RASA3: variants seen among roughly 807,000 people sequenced by gnomAD.
RASA3 encodes RAS p21 protein activator 3.
Under a neutral mutation model 110.0 loss-of-function variants are expected in RASA3, and 73 were observed. The ratio of observed to expected loss-of-function variants is 0.66; its 90% CI spans 0.55 to 0.81. The LOEUF (loss-of-function observed/expected upper bound fraction) is 0.81, where lower values mean the gene tolerates loss of function less well. Among genes scored for constraint, RASA3 ranks in the 30% least tolerant of loss-of-function variants. The pLI is 0.00. For missense variants in RASA3, 976 were observed against 1,113.2 expected, an observed-to-expected ratio of 0.88 and a Z score of 1.75; for synonymous variants, 500 against 451.4, an observed-to-expected ratio of 1.11 and a Z score of -1.37.
At chr13:114,098,618 C>T (rs2079978652) in intron 1 of RASA3, among the ~76,000 whole-genome samples, 1 of 151,912 alleles carries the variant, frequency 6.6e-6, no homozygotes, top group African/African-American at 2.4e-5. Flanking sequence ...TGTAGGAAAC[C>T]CCATGGCCGG....
At chr13:114,099,488 C>T (rs2079994470) in intron 1 of RASA3, among the ~76,000 whole-genome samples, 3 of 151,808 alleles carry the variant, frequency 2.0e-5, no homozygotes, top group Non-Finnish European at 4.4e-5. Flanking sequence ...ACTCAGGCCT[C>T]TGGTCAGCGC....
chr13:114,003,685 T>C (rs942059196), intron 18 of RASA3, among the ~76,000 whole-genome samples: 1 of 152,158 alleles, frequency 6.6e-6, no homozygotes, highest in East Asian at 1.9e-4. Context: ...ACCAAGGCAA[T>C]TGTGTTAGAC....
chr13:114,015,199 G>A lies in RASA3; in HGVS notation c.1405+10C>T. ...TTTCTCAGCAACATGAGGGTGTTCA[G>A]GGCACTCACCCTGGAAGCGCTTGGC... is the stretch of plus-strand genomic sequence containing the variant. On this transcript the variant is annotated intron_variant, in intron 14 of 23. Transcript: ENST00000334062. 6.2e-7 allele frequency: 1 copy of A among 1,612,710 alleles called. No individual in the cohort carries two copies. The highest frequency in any genetic ancestry group is 1.1e-5 in the South Asian group (1 of 91,072).
Position 114,021,475 on chromosome 13 carries a change from A to C in RASA3, c.714T>G (p.Phe238Leu). The C allele has an allele frequency of 6.2e-7, 1 of 1,614,004 alleles. No individual in the cohort carries two copies. The highest frequency in any genetic ancestry group is 1.1e-5 in the South Asian group (1 of 91,092). The stretch of plus-strand genomic sequence containing the variant: ...TTAGTTCTCCCAGGAATTCATCTCC[A>C]AACTTCAGGTTACTGGCATTCCAGA... ...VDLWNASNLK[F>L]GDEFLGELRI... The change falls in exon 9 of 24, where the codon TTT becomes TTG. Residue 238 changes from phenylalanine to leucine, a missense_variant. Phe to Leu is a conservative substitution (Grantham distance 22). Transcript: ENST00000334062.
chr13:114,098,935 G>C (rs541462025), intron 1 of RASA3, among the ~76,000 whole-genome samples: 1 of 152,080 alleles, frequency 6.6e-6, no homozygotes, highest in East Asian at 1.9e-4. Flanking sequence ...ACTGATGCCG[G>C]ACCACAGCAG....
At chr13:114,015,382 G>A (rs745581066) in intron 13 of RASA3, 50 bp from the exon 14 acceptor site, 1 of 1,606,706 alleles carries the variant, frequency 6.2e-7, no homozygotes, top group Non-Finnish European at 8.5e-7. Context: ...GCCCACAGGT[G>A]CGTGTAGCAC....
intron 15 of RASA3, among the ~76,000 whole-genome samples, 160 bp downstream of exon 15, chr13:114,012,982 T>A (rs1309104735): frequency 7.0e-6 from 1 of 143,182 alleles, no homozygotes; most frequent in Non-Finnish European, 1.5e-5. Flanking sequence ...CACTCACTCC[T>A]CATTCCACAC....
intron 1 of RASA3, among the ~76,000 whole-genome samples, chr13:114,125,431 G>A (rs775436339): frequency 1.3e-5 from 2 of 152,162 alleles, no homozygotes; most frequent in African/African-American, 2.4e-5. Flanking sequence ...CGGCGAGAGC[G>A]GGGGCAAGAG....
chr13:113,996,514 C>T lies in RASA3; in HGVS notation c.2141+17G>A. 1 of 1,608,408 alleles carries T rather than the reference C, an allele frequency of 6.2e-7. No individual in the cohort carries two copies. The highest frequency in any genetic ancestry group is 8.5e-7 in the Non-Finnish European group (1 of 1,177,780). The stretch of plus-strand genomic sequence containing the variant: ...TCCTGCACAGTGCACGAGCTGGGCA[C>T]CGAGGCACAGACCTACCCAGTGCAG... On this transcript the variant is annotated intron_variant, in intron 21 of 23. Coordinates refer to ENST00000334062, the MANE Select transcript of RASA3 (RefSeq NM_007368.4).
In RASA3 at chr13:114,090,343, T is replaced by A. The variant is rs188599364; in HGVS notation, c.56-16506A>T. Among the ~76,000 whole-genome samples the A allele has an allele frequency of 4.3e-4, 65 of 152,328 alleles. 1 individual carries two copies. In the East Asian group the frequency reaches 0.011, roughly 26 times the overall value. The stretch of plus-strand genomic sequence containing the variant: ...TTGCTTTGAGTCAGAGAAATATCTG[T>A]CTTTAATTTTGTTTTGTTTTGTTTT... On this transcript the variant is annotated intron_variant, in intron 1 of 23. Transcript: ENST00000334062.
chr13:114,012,125 G>T (rs1468649938), intron 15 of RASA3, among the ~76,000 whole-genome samples: 1 of 151,980 alleles, frequency 6.6e-6, no homozygotes, highest in Non-Finnish European at 1.5e-5. Context: ...ATGATACGCC[G>T]ATCATCAATA....
At chr13:114,055,623 C>T (rs867213708) in intron 2 of RASA3, among the ~76,000 whole-genome samples, 5 of 152,354 alleles carry the variant, frequency 3.3e-5, no homozygotes, top group African/African-American at 7.2e-5. Context: ...AACGACAAAA[C>T]GGCCTCTTCT....
chr13:114,000,009 C>T (rs2053354384), intron 19 of RASA3, among the ~76,000 whole-genome samples: 1 of 77,356 alleles, frequency 1.3e-5, no homozygotes, highest in Non-Finnish European at 2.4e-5. Flanking sequence ...ACCGGGGGGT[C>T]TCTGCTGGAG....
At chr13:114,128,934 T>C (rs2139807066) in intron 1 of RASA3, among the ~76,000 whole-genome samples, 1 of 152,078 alleles carries the variant, frequency 6.6e-6, no homozygotes, top group East Asian at 1.9e-4. Flanking sequence ...TGGCTTTTTT[T>C]TTTTCTGTAA....
At chr13:113,997,599 AGG>A (rs931964576) in intron 20 of RASA3, among the ~76,000 whole-genome samples, 2 of 150,064 alleles carry the variant, frequency 1.3e-5, no homozygotes, top group Non-Finnish European at 3.0e-5. Context: ...TTAGGATTAG[AGG>A]GACGGGGGTG....
At chr13:114,119,252 C>A (rs1594476182) in intron 1 of RASA3, among the ~76,000 whole-genome samples, 1 of 152,206 alleles carries the variant, frequency 6.6e-6, no homozygotes, top group Non-Finnish European at 1.5e-5. Flanking sequence ...CTCAGCATTT[C>A]CATAAACACA....
At position 114,104,251 on chromosome 13, in the gene RASA3, G is replaced by GC. The variant is rs1555343118; in HGVS notation, c.55+28183dup. Reference sequence around the variant, plus strand: ...CACCCACCCCTGATGCGTCCACACTGCCACGGCCACGGACACCCACCCCTG... The same window carrying GC: ...CACCCACCCCTGATGCGTCCACACTGCCCACGGCCACGGACACCCACCCCTG... On this transcript the variant is annotated intron_variant, in intron 1 of 23. Transcript: ENST00000334062. 1.5e-4 allele frequency among the ~76,000 whole-genome samples: 11 copies of GC among 71,280 alleles called. 1 individual carries two copies. Among genetic ancestry groups the GC allele is most frequent in the Non-Finnish European group, 2.1e-4 (8 of 38,716 alleles). The allele number at this position is 71,280 out of a possible 152,430, so 46.8% of individuals were successfully genotyped here. A position where few individuals can be genotyped will look rare whatever the true frequency, so the allele number is the denominator to read the frequency against.
chr13:114,071,390 A>G (rs2079570354), intron 2 of RASA3, among the ~76,000 whole-genome samples: 1 of 152,148 alleles, frequency 6.6e-6, no homozygotes. Context: ...TTCTCCTCCC[A>G]CTGGCTCTGA....
At position 114,041,039 on chromosome 13, in the gene RASA3, C is replaced by T. The variant is rs979472992; in HGVS notation, c.333G>A (p.Trp111Ter). 6 of 1,613,860 alleles carry T rather than the reference C, an allele frequency of 3.7e-6. No individual in the cohort carries two copies. Among genetic ancestry groups the T allele is most frequent in the Non-Finnish European group, 5.1e-6 (6 of 1,180,036 alleles). Reference protein sequence around the residue: ...DLQKYHNRDTWFQLQHVDADS... With the variant: ...DLQKYHNRDT The stretch of plus-strand genomic sequence containing the variant: ...CAGCGTCCACGTGCTGCAGCTGGAA[C>T]CAGGTGTCCCTGTTGTGGTACTTCT... The change falls in exon 4 of 24, where the codon TGG (tryptophan) becomes TGA (stop). Residue 111 changes from tryptophan to a stop codon, truncating the protein, a stop_gained. Transcript: ENST00000334062. LOFTEE classifies it high-confidence loss of function.
Sources: allele counts gnomAD v4.1 joint callset (sites outside exome capture counted in the v4.1 genomes callset), GRCh38; gene constraint gnomAD v4.1.1; transcripts MANE v1.5; gene names NCBI Gene and HGNC (gene_info 2026-07-23, HGNC 2026-07-21).